The following RNF2 variants were observed in gnomAD, a reference collection of about 807,000 sequenced individuals.
RNF2 encodes ring finger protein 2, also known as E3 ubiquitin-protein ligase RING2.
RNF2 carries 6 observed loss-of-function variants against 37.2 expected under a neutral mutation model. The ratio of observed to expected loss-of-function variants is 0.16; its 90% CI spans 0.09 to 0.32. RNF2 has a LOEUF of 0.32. Among genes scored for constraint, RNF2 ranks in the 10% least tolerant of loss-of-function variants. The probability of loss-of-function intolerance (pLI) is 1.00; values close to 1 mark genes in which losing one functional copy is unlikely to be tolerated. For synonymous variants in RNF2, 133 were observed against 132.7 expected (o/e 1.00, Z -0.02); for missense variants, 251 against 404.0 (o/e 0.62, Z 3.25).
At chr1:185,062,527 A>G (rs1465217798) in intron 1 of RNF2, among the ~76,000 whole-genome samples, 1 of 152,136 alleles carries the variant, frequency 6.6e-6, no homozygotes, top group Admixed American at 6.6e-5. Context: ...GCTAGAACCT[A>G]TCCTCTTTAC....
At chr1:185,091,535 T>TA in intron 2 of RNF2, 44 bp from the exon 3 acceptor site, 1 of 1,590,968 alleles carries the variant, frequency 6.3e-7, no homozygotes, top group South Asian at 1.1e-5. Context: ...TTGTCCATAA[T>TA]AAAAAATTAA....
At position 185,100,147 on chromosome 1, in the gene RNF2, T is replaced by C. The variant is rs185234580; in HGVS notation, c.910-53T>C. Reference sequence around the variant, plus strand: ...GACTTCCATTTTAGTTTCATTTCATTATTATTGTGGTTTGTGCAGTTTTCA... The same window carrying C: ...GACTTCCATTTTAGTTTCATTTCATCATTATTGTGGTTTGTGCAGTTTTCA... On this transcript the variant is annotated intron_variant, in intron 6 of 6. Transcript: ENST00000367510. 17 of 1,400,122 alleles carry C rather than the reference T, an allele frequency of 1.2e-5. 1 individual carries two copies. The African/African-American group carries it at 1.7e-4, about 14-fold the overall frequency. The allele number at this position is 1,400,122 out of a possible 1,614,324, so 86.7% of individuals were successfully genotyped here.
chr1:185,087,405 C>T lies in RNF2; in HGVS notation c.-2-147C>T, dbSNP rs1028130375. On this transcript the variant is annotated intron_variant, in intron 1 of 6. Coordinates refer to ENST00000367510, the MANE Select transcript of RNF2 (RefSeq NM_007212.4). ...TTCATGAGGGTGGAGCCCTCATAAC[C>T]TGATCACCTCCCAAAGTCCCCACCT... 6.2e-6 allele frequency: 4 copies of T among 645,360 alleles called. No individual in the cohort carries two copies. In the African/African-American group the frequency reaches 7.3e-5, roughly 12 times the overall value. 40.0% of individuals were successfully genotyped at this position (645,360 alleles called of 1,614,324 possible).
intron 1 of RNF2, among the ~76,000 whole-genome samples, chr1:185,077,715 G>GT (rs540906963): frequency 0.019 from 1,704 of 91,990 alleles, 41 homozygotes; most frequent in East Asian, 0.14. Flanking sequence ...GTTTTGTTTT[G>GT]TTTTTTTTTT....
intron 1 of RNF2, among the ~76,000 whole-genome samples, chr1:185,070,112 T>C (rs532904553): frequency 2.0e-5 from 3 of 152,214 alleles, no homozygotes; most frequent in Non-Finnish European, 4.4e-5. Flanking sequence ...GACTAGGAAA[T>C]AGAAATGCTT....
Position 185,091,731 on chromosome 1 carries a change from T to G in RNF2, c.240T>G (p.Leu80=). ...GTGCAGACTGCATCATCACAGCCCTTAGAAGTGGGTATGTTGAAAAGAGTT... is the reference window on the plus strand; with the variant it reads ...GTGCAGACTGCATCATCACAGCCCTGAGAAGTGGGTATGTTGAAAAGAGTT... The part of the protein sequence containing the change: ...RFCADCIITA[L]RSGNKECPTC... Residue 80 remains leucine (L), a synonymous_variant, in exon 3 of 7, where the codon CTT becomes CTG. Transcript: ENST00000367510. 6.2e-7 allele frequency: 1 copy of G among 1,613,780 alleles called. No individual in the cohort carries two copies. Among genetic ancestry groups the G allele is most frequent in the Non-Finnish European group, 8.5e-7 (1 of 1,179,808 alleles).
chr1:185,066,442 C>T (rs1650802615), intron 1 of RNF2, among the ~76,000 whole-genome samples: 1 of 152,224 alleles, frequency 6.6e-6, no homozygotes, highest in Admixed American at 6.5e-5. Flanking sequence ...TCACCTTAAA[C>T]TCTTCCTCCA....
intron 1 of RNF2, among the ~76,000 whole-genome samples, chr1:185,063,190 C>T (rs1650663906): frequency 6.6e-6 from 1 of 152,098 alleles, no homozygotes; most frequent in South Asian, 2.1e-4. Flanking sequence ...TTGGAAATGC[C>T]AGATGTTTCT....
chr1:185,073,770 CTG>C (rs1651058623), intron 1 of RNF2, among the ~76,000 whole-genome samples: 2 of 152,334 alleles, frequency 1.3e-5, no homozygotes, highest in South Asian at 2.1e-4. Context: ...CTTCTGTAAT[CTG>C]TTTCTTCTCA....
intron 1 of RNF2, among the ~76,000 whole-genome samples, chr1:185,057,329 C>G (rs1650463845): frequency 6.6e-6 from 1 of 152,006 alleles, no homozygotes; most frequent in South Asian, 2.1e-4. Context: ...TAAATAAAAT[C>G]TAAATATAAT....
chr1:185,050,432 A>C (rs985399913), intron 1 of RNF2, among the ~76,000 whole-genome samples: 1 of 152,180 alleles, frequency 6.6e-6, no homozygotes, highest in Admixed American at 6.5e-5. Flanking sequence ...GCTATGTTCA[A>C]CCCAACTCCT....
At chr1:185,047,209 T>C (rs1185590047) in intron 1 of RNF2, among the ~76,000 whole-genome samples, 2 of 152,210 alleles carry the variant, frequency 1.3e-5, no homozygotes, top group African/African-American at 4.8e-5. Flanking sequence ...TTAATTATAG[T>C]AGAGGCAGAT....
At chr1:185,077,432 T>C (rs942230986) in intron 1 of RNF2, among the ~76,000 whole-genome samples, 6 of 152,124 alleles carry the variant, frequency 3.9e-5, no homozygotes, top group Admixed American at 2.0e-4. Flanking sequence ...AGTTTTAACA[T>C]TGATTGTTTT....
intron 1 of RNF2, among the ~76,000 whole-genome samples, chr1:185,082,858 C>A (rs778915119): frequency 5.9e-5 from 9 of 152,036 alleles, no homozygotes; most frequent in Non-Finnish European, 8.8e-5. Flanking sequence ...AGTAACAAGT[C>A]GTTAGCAAAA....
At chr1:185,047,492 A>G (rs1650153308) in intron 1 of RNF2, among the ~76,000 whole-genome samples, 1 of 152,204 alleles carries the variant, frequency 6.6e-6, no homozygotes, top group Non-Finnish European at 1.5e-5. Flanking sequence ...CTGTGTCTCT[A>G]ATCTGATTTA....
In RNF2 at chr1:185,093,232, C is replaced by T. The variant is rs941329843; in HGVS notation, c.420C>T (p.Leu140=). 6.2e-7 allele frequency: 1 copy of T among 1,613,962 alleles called. No homozygotes were observed. Among genetic ancestry groups the T allele is most frequent in the Non-Finnish European group, 8.5e-7 (1 of 1,179,972 alleles). The change falls in exon 4 of 7, where the codon CTC becomes CTT. Residue 140 remains leucine (L), a synonymous_variant. Coordinates refer to ENST00000367510, the MANE Select transcript of RNF2 (RefSeq NM_007212.4). ...ACAAGCACAATAATCAGCAAGCACT[C>T]AGTCACAGCATTGAGGAAGGACTGA... ...RINKHNNQQA[L]SHSIEEGLKI...
At chr1:185,067,673 A>T (rs1650836771) in intron 1 of RNF2, among the ~76,000 whole-genome samples, 1 of 151,138 alleles carries the variant, frequency 6.6e-6, no homozygotes, top group Non-Finnish European at 1.5e-5. Context: ...AATGCTTTGT[A>T]GGGAAATGGG....
At chr1:185,077,805 C>T (rs1651220996) in intron 1 of RNF2, among the ~76,000 whole-genome samples, 1 of 141,920 alleles carries the variant, frequency 7.0e-6, no homozygotes. Context: ...TTTCTAATTT[C>T]TAATGCCTGA....
At chr1:185,057,024 C>T (rs1056075416) in intron 1 of RNF2, among the ~76,000 whole-genome samples, 3 of 151,548 alleles carry the variant, frequency 2.0e-5, no homozygotes, top group African/African-American at 7.3e-5. Context: ...GTTTTAAAAC[C>T]TGGGCTGGGT....
Sources: allele counts gnomAD v4.1 joint callset (sites outside exome capture counted in the v4.1 genomes callset), GRCh38; gene constraint gnomAD v4.1.1; transcripts MANE v1.5; gene names NCBI Gene and HGNC (gene_info 2026-07-23, HGNC 2026-07-21).